The following RMDN2 variants were observed in gnomAD, a reference collection of about 807,000 sequenced individuals.
RMDN2 encodes regulator of microtubule dynamics 2, also known as regulator of microtubule dynamics protein 2.
Under a neutral mutation model 52.8 loss-of-function variants are expected in RMDN2, and 61 were observed. The observed-to-expected ratio is 1.16, with a 90% CI of 0.94 to 1.43. The LOEUF (loss-of-function observed/expected upper bound fraction) is 1.43. Ranked by LOEUF, RMDN2 falls within the 40% of genes most tolerant of loss-of-function variation. The pLI, the probability that RMDN2 is intolerant of heterozygous loss-of-function variation, is 0.00. For synonymous variants in RMDN2, 180 were observed against 153.1 expected (o/e 1.18, Z -1.30); for missense variants, 592 against 475.3 (o/e 1.25, Z -2.28).
At chr2:37,984,861 T>A (rs937474557) in intron 5 of RMDN2, among the ~76,000 whole-genome samples, 2 of 151,764 alleles carry the variant, frequency 1.3e-5, no homozygotes, top group African/African-American at 4.8e-5. Flanking sequence ...AAAAATAAAA[T>A]TAAGTATTTT....
At chr2:37,981,137 G>A in intron 4 of RMDN2, 146 bp from the exon 5 acceptor site, 1 of 647,580 alleles carries the variant, frequency 1.5e-6, no homozygotes, top group Non-Finnish European at 2.8e-6. Context: ...TCTCCAATGT[G>A]GCTGAAAAGT....
intron 2 of RMDN2, among the ~76,000 whole-genome samples, chr2:37,967,586 CTTA>C (rs1286670106): frequency 2.0e-5 from 3 of 152,200 alleles, no homozygotes; most frequent in African/African-American, 7.2e-5. Flanking sequence ...ATGACATCTA[CTTA>C]TTATGAAAGT....
At chr2:37,940,066 A>T (rs955699185) in intron 2 of RMDN2, among the ~76,000 whole-genome samples, 1 of 152,112 alleles carries the variant, frequency 6.6e-6, no homozygotes, top group Non-Finnish European at 1.5e-5. Context: ...AGCTCTTGTA[A>T]GGCAGGCCTG....
At chr2:37,957,520 G>C (rs553980320) in intron 2 of RMDN2, among the ~76,000 whole-genome samples, 1 of 152,132 alleles carries the variant, frequency 6.6e-6, no homozygotes, top group Admixed American at 6.5e-5. Context: ...ATTTATTTAA[G>C]TTCCTTGTAG....
At chr2:38,001,322 T>C (rs1222235480) in intron 8 of RMDN2, among the ~76,000 whole-genome samples, 2 of 152,220 alleles carry the variant, frequency 1.3e-5, no homozygotes, top group Non-Finnish European at 2.9e-5. Flanking sequence ...CCAGGTGTTA[T>C]GATAAAGAGT....
intron 10 of RMDN2, among the ~76,000 whole-genome samples, chr2:38,032,374 C>T (rs1169056946): frequency 6.6e-6 from 1 of 152,168 alleles, no homozygotes; most frequent in Non-Finnish European, 1.5e-5. Flanking sequence ...AAGTCTGTCT[C>T]CATTTGCTGA....
rs373412894 is a variant in RMDN2 at position 37,927,465 on chromosome 2, A to G, written c.-16-1797A>G. 1.2e-4 allele frequency among the ~76,000 whole-genome samples: 19 copies of G among 152,336 alleles called. No individual in the cohort carries two copies. In the South Asian group the frequency reaches 2.7e-3, roughly 22 times the overall value. On this transcript the variant is annotated intron_variant, in intron 1 of 10. Coordinates refer to ENST00000354545, the MANE Select transcript of RMDN2 (RefSeq NM_001170791.3). Reference sequence around the variant, plus strand: ...GGGCCAAGCAAAATAAGACTTTCCCACCTGCTGAAACCTGGTCCTGTCTCA... The same window carrying G: ...GGGCCAAGCAAAATAAGACTTTCCCGCCTGCTGAAACCTGGTCCTGTCTCA...
intron 10 of RMDN2, among the ~76,000 whole-genome samples, chr2:38,013,653 T>C (rs989246892): frequency 2.0e-5 from 3 of 152,248 alleles, no homozygotes; most frequent in Non-Finnish European, 2.9e-5. Context: ...TAAGATATCA[T>C]ATTTGATTAT....
At position 37,975,160 on chromosome 2, in the gene RMDN2, A is replaced by T. The variant is rs374579442; in HGVS notation, c.628-52A>T. 6.8e-5 allele frequency: 72 copies of T among 1,062,618 alleles called. No individual in the cohort carries two copies. In the African/African-American group the frequency reaches 1.1e-3, roughly 16 times the overall value. 65.8% of individuals were successfully genotyped at this position (1,062,618 alleles called of 1,614,324 possible). On this transcript the variant is annotated intron_variant, in intron 3 of 10. Coordinates refer to ENST00000354545, the MANE Select transcript of RMDN2 (RefSeq NM_001170791.3). ...AGTTGCAGTAGAAAACAAGAATAGA[A>T]TAGACAAGTTACCAAGTTAATTTAA...
intron 2 of RMDN2, among the ~76,000 whole-genome samples, chr2:37,953,943 G>A (rs933324950): frequency 2.0e-5 from 3 of 151,944 alleles, no homozygotes; most frequent in Admixed American, 1.3e-4. Flanking sequence ...TATCCCTAAT[G>A]ATTAGTGACA....
intron 5 of RMDN2, among the ~76,000 whole-genome samples, chr2:37,984,296 A>G (rs1673703200): frequency 6.6e-6 from 1 of 152,216 alleles, no homozygotes; most frequent in Non-Finnish European, 1.5e-5. Flanking sequence ...TAAAGTGACC[A>G]ATGGATTTGC....
intron 10 of RMDN2, among the ~76,000 whole-genome samples, chr2:38,045,883 G>T (rs920830148): frequency 3.3e-5 from 5 of 152,186 alleles, no homozygotes; most frequent in Non-Finnish European, 7.3e-5. Flanking sequence ...AAGTGTTGCC[G>T]TAAATTGTGA....
chr2:38,021,184 T>C (rs1679342534), downstream of RMDN2, among the ~76,000 whole-genome samples: 6 of 152,102 alleles, frequency 3.9e-5, no homozygotes, highest in South Asian at 1.2e-3. Context: ...CTAGCTAATC[T>C]AGTGGGGATG....
chr2:37,979,365 G>T (rs1210556925), intron 4 of RMDN2, among the ~76,000 whole-genome samples: 2 of 152,172 alleles, frequency 1.3e-5, no homozygotes, highest in Non-Finnish European at 2.9e-5. Context: ...GCTTAGTAAT[G>T]GTAATGACCA....
chr2:37,980,402 C>G (rs536500931), intron 4 of RMDN2, among the ~76,000 whole-genome samples: 6 of 152,252 alleles, frequency 3.9e-5, no homozygotes, highest in Admixed American at 1.3e-4. Context: ...CTCCTGGGAT[C>G]AAGTGATTCT....
chr2:38,018,758 T>G (rs948989347), downstream of RMDN2, among the ~76,000 whole-genome samples: 9 of 152,218 alleles, frequency 5.9e-5, no homozygotes, highest in African/African-American at 2.2e-4. Context: ...AAGTGATTTT[T>G]TTAGGTTGAA....
At chr2:37,956,567 C>T (rs952762329) in intron 2 of RMDN2, among the ~76,000 whole-genome samples, 3 of 151,982 alleles carry the variant, frequency 2.0e-5, no homozygotes, top group Non-Finnish European at 2.9e-5. Context: ...TTCCTCTCTT[C>T]TGCTAGCTTT....
At chr2:37,989,254 G>C (rs1259252574) in intron 5 of RMDN2, among the ~76,000 whole-genome samples, 1 of 152,022 alleles carries the variant, frequency 6.6e-6, no homozygotes. Flanking sequence ...AACATTTATT[G>C]AAAGTCCTTA....
chr2:38,056,827 T>C (rs1057370064), intron 10 of RMDN2, among the ~76,000 whole-genome samples: 17 of 152,314 alleles, frequency 1.1e-4, no homozygotes, highest in Middle Eastern at 3.4e-3. Context: ...TTTTTTCAGT[T>C]TTGTTTTAGT....
Sources: allele counts gnomAD v4.1 joint callset (sites outside exome capture counted in the v4.1 genomes callset), GRCh38; gene constraint gnomAD v4.1.1; transcripts MANE v1.5; gene names NCBI Gene and HGNC (gene_info 2026-07-23, HGNC 2026-07-21).